The following ALKAL1 variants were observed in gnomAD, a reference collection of about 807,000 sequenced individuals.
ALKAL1 encodes the protein AUG-beta.
ALKAL1 carries 23 observed loss-of-function variants against 13.5 expected under a neutral mutation model. The ratio of observed to expected loss-of-function variants is 1.70; its 90% CI spans 1.23 to 2.41. ALKAL1 has a LOEUF of 2.41. Ranked by LOEUF, ALKAL1 falls within the 30% of genes most tolerant of loss-of-function variation. The pLI, the probability that ALKAL1 is intolerant of heterozygous loss-of-function variation, is 0.00. For synonymous variants in ALKAL1, 85 were observed against 77.7 expected, an observed-to-expected ratio of 1.09 and a Z score of -0.49; for missense variants, 181 against 178.4, an observed-to-expected ratio of 1.01 and a Z score of -0.08.
At chr8:52,538,714 C>T (rs183974586) in intron 3 of ALKAL1, among the ~76,000 whole-genome samples, 2 of 152,164 alleles carry the variant, frequency 1.3e-5, no homozygotes, top group Admixed American at 1.3e-4. Context: ...AGAGATGAGA[C>T]AAGAGCCTCA....
intron 1 of ALKAL1, among the ~76,000 whole-genome samples, chr8:52,563,433 A>G (rs1847571159): frequency 6.6e-6 from 1 of 152,138 alleles, no homozygotes; most frequent in South Asian, 2.1e-4. Context: ...CTCCGTCTCT[A>G]AATAAATAAA....
At chr8:52,545,771 T>A (rs1847363030) in intron 1 of ALKAL1, among the ~76,000 whole-genome samples, 1 of 152,266 alleles carries the variant, frequency 6.6e-6, no homozygotes, top group Admixed American at 6.5e-5. Context: ...TCTCAGATAC[T>A]TTTTGGTTTA....
chr8:52,558,399 C>T (rs1242790133), intron 1 of ALKAL1, among the ~76,000 whole-genome samples: 1 of 129,164 alleles, frequency 7.7e-6, no homozygotes, highest in African/African-American at 2.9e-5. Flanking sequence ...CACTCTTCAA[C>T]AACAGCATTT....
At chr8:52,559,324 C>G (rs906561728) in intron 1 of ALKAL1, among the ~76,000 whole-genome samples, 5 of 152,086 alleles carry the variant, frequency 3.3e-5, no homozygotes, top group Non-Finnish European at 5.9e-5. Flanking sequence ...CACACTGGAA[C>G]GTATAGCTGT....
In ALKAL1 at chr8:52,565,265, G is replaced by A; in HGVS notation, c.-9C>T. 5 of 1,302,746 alleles carry A rather than the reference G, an allele frequency of 3.8e-6. No individual in the cohort carries two copies. Among genetic ancestry groups the A allele is most frequent in the Non-Finnish European group, 2.0e-6 (2 of 1,016,682 alleles). The allele number at this position is 1,302,746 out of a possible 1,614,324, so 80.7% of individuals were successfully genotyped here. The stretch of plus-strand genomic sequence containing the variant: ...GGCTTAAGGGGCCGCATGTTCGCAA[G>A]CCGGGAGGAGAGAGCGGGAGACTCC... On this transcript the variant is annotated 5_prime_UTR_variant, in exon 1 of 5. Coordinates refer to ENST00000358543, the MANE Select transcript of ALKAL1 (RefSeq NM_207413.4).
intron 1 of ALKAL1, among the ~76,000 whole-genome samples, chr8:52,556,817 G>A (rs1847489092): frequency 6.6e-6 from 1 of 151,988 alleles, no homozygotes; most frequent in Non-Finnish European, 1.5e-5. Flanking sequence ...TTTCTTTCTT[G>A]TGAAGTATCT....
chr8:52,546,958 G>T (rs1040528356), intron 1 of ALKAL1, among the ~76,000 whole-genome samples: 1 of 152,136 alleles, frequency 6.6e-6, no homozygotes, highest in Non-Finnish European at 1.5e-5. Context: ...TGCCTGCCCT[G>T]CAGCACACTC....
At chr8:52,545,111 T>C (rs1168433076) in intron 1 of ALKAL1, among the ~76,000 whole-genome samples, 1 of 152,112 alleles carries the variant, frequency 6.6e-6, no homozygotes, top group African/African-American at 2.4e-5. Context: ...AAAACAATTA[T>C]GCCTAAGTAT....
At chr8:52,541,864 C>A (rs574419897) in intron 2 of ALKAL1, among the ~76,000 whole-genome samples, 1 of 152,172 alleles carries the variant, frequency 6.6e-6, no homozygotes, top group Non-Finnish European at 1.5e-5. Context: ...TCCCTACCCC[C>A]ACCTGGTTGG....
chr8:52,550,899 TATTTCCCAATAGGGCC>T (rs1386945942), intron 1 of ALKAL1, among the ~76,000 whole-genome samples: 1 of 152,144 alleles, frequency 6.6e-6, no homozygotes, highest in African/African-American at 2.4e-5. Context: ...GCAATGACCC[TATTTCCCAATAGGGCC>T]ACACTCTGAG....
rs373847775 is a variant in ALKAL1, at chr8:52,545,679, T to C, written c.191-3234A>G. ...CTATACCCCAATCACCTTAAGCACATGTCAGCAGGACCACCTGAGGCTGTG... is the reference window on the plus strand; with the variant it reads ...CTATACCCCAATCACCTTAAGCACACGTCAGCAGGACCACCTGAGGCTGTG... On this transcript the variant is annotated intron_variant, in intron 1 of 4. Transcript: ENST00000358543. Among the ~76,000 whole-genome samples the C allele has an allele frequency of 4.6e-5, 7 of 152,302 alleles. 1 individual carries two copies. In the South Asian group the frequency reaches 1.2e-3, roughly 27 times the overall value.
intron 1 of ALKAL1, among the ~76,000 whole-genome samples, chr8:52,547,703 T>C (rs1486931009): frequency 6.6e-6 from 1 of 151,920 alleles, no homozygotes; most frequent in East Asian, 1.9e-4. Context: ...AATTTAATAA[T>C]TTGGCCAGTC....
At chr8:52,555,781 C>G (rs1016017943) in intron 1 of ALKAL1, among the ~76,000 whole-genome samples, 1 of 152,204 alleles carries the variant, frequency 6.6e-6, no homozygotes, top group Non-Finnish European at 1.5e-5. Context: ...ACAGTACAAC[C>G]TCTTGCCCAC....
At chr8:52,548,003 T>C (rs1049878364) in intron 1 of ALKAL1, among the ~76,000 whole-genome samples, 2 of 152,214 alleles carry the variant, frequency 1.3e-5, no homozygotes, top group Non-Finnish European at 2.9e-5. Flanking sequence ...ACATGTCAAG[T>C]GCTCAGTAGC....
chr8:52,564,853 C>G (rs1274592868), intron 1 of ALKAL1, among the ~76,000 whole-genome samples: 1 of 152,160 alleles, frequency 6.6e-6, no homozygotes, highest in Admixed American at 6.5e-5. Context: ...AAAGCTGATC[C>G]CATTGCCAGC....
chr8:52,553,552 G>A lies in ALKAL1; in HGVS notation c.191-11107C>T, dbSNP rs143381253. 5.8e-4 allele frequency among the ~76,000 whole-genome samples: 88 copies of A among 152,210 alleles called. 1 individual carries two copies. In the East Asian group the frequency reaches 0.013, roughly 23 times the overall value. ...GTAAAATTCTGTGTCCAGCCAGACC[G>A]CCAAAGATGCCTTGGGTTTCTTTTA... On this transcript the variant is annotated intron_variant, in intron 1 of 4. Transcript: ENST00000358543.
intron 1 of ALKAL1, among the ~76,000 whole-genome samples, chr8:52,543,857 A>G (rs572990778): frequency 2.8e-4 from 43 of 152,300 alleles, no homozygotes; most frequent in African/African-American, 9.4e-4. Flanking sequence ...GACTTTATAA[A>G]TAATTCTATT....
chr8:52,539,802 A>AG, intron 3 of ALKAL1, 29 bp downstream of exon 3: 1 of 1,525,360 alleles, frequency 6.6e-7, no homozygotes, highest in South Asian at 1.2e-5. Flanking sequence ...GGATAATTAA[A>AG]AAAAAAAAAA....
chr8:52,548,895 A>T (rs1184605256), intron 1 of ALKAL1, among the ~76,000 whole-genome samples: 1 of 152,144 alleles, frequency 6.6e-6, no homozygotes, highest in Non-Finnish European at 1.5e-5. Flanking sequence ...GTACATATAT[A>T]TGTTGGCATA....
Sources: allele counts gnomAD v4.1 joint callset (sites outside exome capture counted in the v4.1 genomes callset), GRCh38; gene constraint gnomAD v4.1.1; transcripts MANE v1.5; gene names NCBI Gene and HGNC (gene_info 2026-07-23, HGNC 2026-07-21).